KAZN: variants seen among roughly 807,000 people sequenced by gnomAD.
KAZN encodes kazrin.
Under a neutral mutation model 87.4 loss-of-function variants are expected in KAZN, and 40 were observed. The ratio of observed to expected loss-of-function variants is 0.46; its 90% CI spans 0.36 to 0.60. KAZN has a LOEUF of 0.60. Among genes scored for constraint, KAZN ranks in the 20% least tolerant of loss-of-function variants. The pLI is 0.00. For synonymous variants in KAZN, 466 were observed against 458.3 expected (o/e 1.02, Z -0.22); for missense variants, 898 against 1,073.9 (o/e 0.84, Z 2.29).
intron 1 of KAZN, among the ~76,000 whole-genome samples, chr1:14,959,938 C>T (rs1002392309): frequency 6.6e-6 from 1 of 152,290 alleles, no homozygotes; most frequent in East Asian, 1.9e-4. Context: ...TTCTCCTTGG[C>T]CCCATTTCTG....
At chr1:14,359,293 T>C (rs1340954566) in intron 2 of KAZN, among the ~76,000 whole-genome samples, 6 of 152,070 alleles carry the variant, frequency 3.9e-5, no homozygotes, top group South Asian at 2.1e-4. Context: ...GCTTGGTAAA[T>C]ATTCCTCCAT....
intron 1 of KAZN, among the ~76,000 whole-genome samples, chr1:13,949,545 A>AG (rs1204316329): frequency 1.2e-5 from 1 of 86,148 alleles, no homozygotes; most frequent in Non-Finnish European, 2.8e-5. Flanking sequence ...TTTTAGGGTG[A>AG]GATTTTTTTC....
chr1:14,367,611 G>A (rs988338597), intron 2 of KAZN, among the ~76,000 whole-genome samples: 1 of 152,100 alleles, frequency 6.6e-6, no homozygotes, highest in Admixed American at 6.5e-5. Flanking sequence ...TCGTTTCTCT[G>A]GCCATCGGAC....
At chr1:14,850,618 C>T (rs1025654003) in intron 1 of KAZN, among the ~76,000 whole-genome samples, 3 of 152,192 alleles carry the variant, frequency 2.0e-5, no homozygotes, top group Non-Finnish European at 2.9e-5. Flanking sequence ...TGTTTGCTTT[C>T]GCTGTTGCAA....
At chr1:13,925,491 A>G (rs1478296537) in intron 1 of KAZN, among the ~76,000 whole-genome samples, 2 of 152,108 alleles carry the variant, frequency 1.3e-5, no homozygotes, top group African/African-American at 4.8e-5. Context: ...TACCTGGGAG[A>G]TGGTGCTCCA....
intron 2 of KAZN, among the ~76,000 whole-genome samples, chr1:14,270,615 A>G (rs1228502935): frequency 6.6e-6 from 1 of 152,206 alleles, no homozygotes; most frequent in African/African-American, 2.4e-5. Context: ...CTATCCTACC[A>G]TAGAAGCATA....
At chr1:14,201,387 A>G (rs1026431613) in intron 2 of KAZN, among the ~76,000 whole-genome samples, 1 of 152,208 alleles carries the variant, frequency 6.6e-6, no homozygotes, top group Non-Finnish European at 1.5e-5. Context: ...CTCTAATTCC[A>G]GAGCATCGGA....
intron 8 of KAZN, among the ~76,000 whole-genome samples, chr1:15,090,624 G>A (rs551135599): frequency 1.1e-4 from 16 of 152,262 alleles, no homozygotes; most frequent in Non-Finnish European, 1.5e-4. Context: ...AGGCCACTCA[G>A]ACGGGTGACC....
chr1:14,506,858 G>T (rs2148438174), intron 2 of KAZN, among the ~76,000 whole-genome samples: 1 of 152,302 alleles, frequency 6.6e-6, no homozygotes, highest in East Asian at 1.9e-4. Flanking sequence ...AGATACGGTG[G>T]CTACCGATTG....
At chr1:14,358,366 A>C (rs1350675168) in intron 2 of KAZN, among the ~76,000 whole-genome samples, 2 of 151,622 alleles carry the variant, frequency 1.3e-5, no homozygotes, top group African/African-American at 2.4e-5. Flanking sequence ...TTTTAAAAAA[A>C]AAAACCAGCT....
Position 14,444,002 on chromosome 1 carries a change from A to C in KAZN, c.250-154981A>C, listed in dbSNP as rs550541692. Among the ~76,000 whole-genome samples the C allele has an allele frequency of 1.6e-4, 25 of 152,276 alleles. No individual in the cohort carries two copies. The South Asian group carries it at 4.4e-3, about 27-fold the overall frequency. On this transcript the variant is annotated intron_variant, in intron 2 of 16. Transcript: ENST00000636203. ...GAAGACAGGTAAATTGAAAGTTATAAAACAAGGAATCTGGCCACCTCAACT... is the reference window on the plus strand; with the variant it reads ...GAAGACAGGTAAATTGAAAGTTATACAACAAGGAATCTGGCCACCTCAACT...
chr1:14,546,246 A>T (rs1351077410), intron 2 of KAZN, among the ~76,000 whole-genome samples: 1 of 152,200 alleles, frequency 6.6e-6, no homozygotes, highest in Non-Finnish European at 1.5e-5. Context: ...TCAATAGCCA[A>T]TCATTTCTGA....
At chr1:15,012,088 G>A (rs1669630579) in intron 2 of KAZN, among the ~76,000 whole-genome samples, 1 of 152,174 alleles carries the variant, frequency 6.6e-6, no homozygotes, top group Non-Finnish European at 1.5e-5. Flanking sequence ...ATGTGGAGTA[G>A]CCTGTGAAGT....
intron 1 of KAZN, among the ~76,000 whole-genome samples, chr1:14,705,863 A>G (rs1642179931): frequency 6.6e-6 from 1 of 152,180 alleles, no homozygotes; most frequent in African/African-American, 2.4e-5. Context: ...GTTCTATACC[A>G]GGGTTCTCCA....
chr1:14,490,140 G>A (rs1669570803), intron 2 of KAZN, among the ~76,000 whole-genome samples: 3 of 152,162 alleles, frequency 2.0e-5, no homozygotes, highest in Non-Finnish European at 4.4e-5. Flanking sequence ...GACTTGCCTT[G>A]TTAATTTGTT....
At chr1:14,834,356 C>CTTTT (rs34228625) in intron 1 of KAZN, among the ~76,000 whole-genome samples, 11 of 88,632 alleles carry the variant, frequency 1.2e-4, no homozygotes, top group East Asian at 3.3e-4. Flanking sequence ...AAGTCACTTC[C>CTTTT]TTTTTTTTTT....
At chr1:14,325,236 C>T (rs1433580053) in intron 2 of KAZN, among the ~76,000 whole-genome samples, 2 of 152,148 alleles carry the variant, frequency 1.3e-5, no homozygotes, top group African/African-American at 4.8e-5. Context: ...ACAACAGCCA[C>T]CATCACTCTG....
intron 2 of KAZN, among the ~76,000 whole-genome samples, chr1:14,392,008 T>TC (rs1662479873): frequency 6.6e-6 from 1 of 152,188 alleles, no homozygotes; most frequent in African/African-American, 2.4e-5. Context: ...AGCTGTGAAC[T>TC]CTGGCATCCA....
Position 15,100,808 on chromosome 1 carries a change from G to A in KAZN, c.1548-735G>A, listed in dbSNP as rs540832377. Among the ~76,000 whole-genome samples, 7 of 152,340 alleles carry A rather than the reference G, an allele frequency of 4.6e-5. No individual in the cohort carries two copies. The East Asian group carries it at 5.8e-4, about 13-fold the overall frequency. On this transcript the variant is annotated intron_variant, in intron 10 of 14. Coordinates refer to ENST00000376030, the MANE Select transcript of KAZN (RefSeq NM_201628.3). ...AGCATCCCATCTGCAGAGCGAGGACGGCAGCTTTGCCTTCTTCGCGCATGA... is the reference window on the plus strand; with the variant it reads ...AGCATCCCATCTGCAGAGCGAGGACAGCAGCTTTGCCTTCTTCGCGCATGA...
Sources: allele counts gnomAD v4.1 joint callset (sites outside exome capture counted in the v4.1 genomes callset), GRCh38; gene constraint gnomAD v4.1.1; transcripts MANE v1.5; gene names NCBI Gene and HGNC (gene_info 2026-07-23, HGNC 2026-07-21).